NR5A2: variants seen among roughly 807,000 people sequenced by gnomAD.
NR5A2 encodes the protein nuclear receptor subfamily 5 group A member 2.
Under a neutral mutation model 62.7 loss-of-function variants are expected in NR5A2, and 26 were observed. The observed-to-expected ratio is 0.41, with a 90% CI of 0.30 to 0.58. The LOEUF is 0.58. NR5A2 is among the 20% of genes least tolerant of loss of function. The pLI is 0.22. For synonymous variants in NR5A2, 246 were observed against 241.7 expected (o/e 1.02, Z -0.16); for missense variants, 541 against 669.1 (o/e 0.81, Z 2.11).
At chr1:200,034,930 C>G (rs769055199) in intron 1 of NR5A2, among the ~76,000 whole-genome samples, 1 of 151,322 alleles carries the variant, frequency 6.6e-6, no homozygotes, top group African/African-American at 2.4e-5. Flanking sequence ...GTTTCTAATA[C>G]AAAGCGCTCG....
chr1:200,040,388 C>A (rs574297552), intron 2 of NR5A2, among the ~76,000 whole-genome samples: 3 of 152,202 alleles, frequency 2.0e-5, no homozygotes, highest in Non-Finnish European at 2.9e-5. Context: ...ATCCCCTGTA[C>A]GCGTAGTGCT....
intron 5 of NR5A2, among the ~76,000 whole-genome samples, chr1:200,055,662 C>T (rs1180403313): frequency 1.3e-5 from 2 of 152,202 alleles, no homozygotes; most frequent in Non-Finnish European, 2.9e-5. Context: ...AGAGCAATAG[C>T]CACTTTACTT....
Position 200,175,012 on chromosome 1 carries a change from G to A in NR5A2, c.*802G>A, listed in dbSNP as rs569870620. On this transcript the variant is annotated 3_prime_UTR_variant, in exon 8 of 8. Transcript: ENST00000367362. ...AAACTTTCAAAGCAAATGCTCCATA[G>A]CTAAAGCAACTTAGACCTTATTTCT... 22 of 152,764 alleles carry A rather than the reference G, an allele frequency of 1.4e-4. No homozygotes were observed. In the East Asian group the frequency reaches 4.0e-3, roughly 28 times the overall value. 9.5% of individuals were successfully genotyped at this position (152,764 alleles called of 1,614,324 possible).
At chr1:200,031,973 A>C (rs1571687731) in intron 1 of NR5A2, among the ~76,000 whole-genome samples, 1 of 152,132 alleles carries the variant, frequency 6.6e-6, no homozygotes, top group Non-Finnish European at 1.5e-5. Context: ...TGACCCCTCT[A>C]CCAGACACAA....
At chr1:200,090,810 GACAA>G (rs1664781009) in intron 5 of NR5A2, among the ~76,000 whole-genome samples, 3 of 152,062 alleles carry the variant, frequency 2.0e-5, no homozygotes, top group African/African-American at 7.2e-5. Flanking sequence ...CTAGGTAACT[GACAA>G]ACAGACACAG....
chr1:200,079,546 G>A (rs969581386), intron 5 of NR5A2, among the ~76,000 whole-genome samples: 4 of 152,208 alleles, frequency 2.6e-5, no homozygotes, highest in African/African-American at 9.6e-5. Flanking sequence ...GGCCTAAAAC[G>A]GGCATTGGCT....
rs1055327509 is a variant in NR5A2 at position 200,039,730 on chromosome 1, A to G, written c.137A>G (p.Glu46Gly). Reference protein sequence around the residue: ...RGRLVMLPKVETEALGLARSH... With the variant: ...RGRLVMLPKVGTEALGLARSH... Reference sequence around the variant, plus strand: ...CGCCTTGTCATGCTGCCCAAAGTGGAGACGGAAGCCCTGGGACTGGCTCGA... The same window carrying G: ...CGCCTTGTCATGCTGCCCAAAGTGGGGACGGAAGCCCTGGGACTGGCTCGA... Residue 46 changes from glutamate to glycine, a missense_variant, in exon 2 of 8, where the codon GAG becomes GGG. By Grantham distance (98) the Glu-to-Gly change is moderately conservative. Transcript: ENST00000367362. The surrounding 1 kb of genome is among the most constrained non-coding windows in gnomAD (Gnocchi z 5.1). 2 of 1,611,796 alleles carry G rather than the reference A, an allele frequency of 1.2e-6. No homozygotes were observed. Among genetic ancestry groups the G allele is most frequent in the Non-Finnish European group, 1.7e-6 (2 of 1,179,040 alleles).
intron 5 of NR5A2, among the ~76,000 whole-genome samples, chr1:200,106,315 C>T (rs972920513): frequency 1.3e-5 from 2 of 152,132 alleles, no homozygotes; most frequent in Non-Finnish European, 2.9e-5. Context: ...CCTTGGCCTC[C>T]CAAAGTGCTG....
rs767393832 is a variant in NR5A2 at position 200,034,783 on chromosome 1, CTTTTTTTTTTTTTTTTTT to C, written c.65-4861_65-4844del. 5.6e-5 allele frequency among the ~76,000 whole-genome samples: 4 copies of C among 71,286 alleles called. 1 individual carries two copies. The highest frequency in any genetic ancestry group is 7.2e-4 in the South Asian group (1 of 1,382). The allele number at this position is 71,286 out of a possible 152,430, so 46.8% of individuals were successfully genotyped here. A position where few individuals can be genotyped will look rare whatever the true frequency, so the allele number is the denominator to read the frequency against. ...GTTATTCACACGTGCAGCAGAAAGG[CTTTTTTTTTTTTTTTTTT>C]TTTTTTTTTTTTTAAACAAGGCACG... On this transcript the variant is annotated intron_variant, in intron 1 of 7. Transcript: ENST00000367362.
intron 7 of NR5A2, among the ~76,000 whole-genome samples, chr1:200,169,785 C>T (rs1049207779): frequency 6.6e-6 from 1 of 152,226 alleles, no homozygotes; most frequent in Non-Finnish European, 1.5e-5. Context: ...TGTTTACATA[C>T]TATTTCCAAC....
At chr1:200,103,054 G>A (rs1038741659) in intron 5 of NR5A2, among the ~76,000 whole-genome samples, 5 of 151,390 alleles carry the variant, frequency 3.3e-5, no homozygotes, top group Non-Finnish European at 7.4e-5. Flanking sequence ...TTGGTAAAAT[G>A]AGGATTATAA....
chr1:200,104,146 G>A (rs750104893), intron 5 of NR5A2, among the ~76,000 whole-genome samples: 1 of 152,176 alleles, frequency 6.6e-6, no homozygotes, highest in Non-Finnish European at 1.5e-5. Flanking sequence ...TTATGGAACA[G>A]CAGCAGCACA....
At chr1:200,163,486 G>T (rs1325238381) in intron 7 of NR5A2, among the ~76,000 whole-genome samples, 3 of 142,206 alleles carry the variant, frequency 2.1e-5, no homozygotes, top group African/African-American at 5.1e-5. Flanking sequence ...TTTGTTTATT[G>T]TTTTTTTTTT....
Position 200,045,590 on chromosome 1 carries a change from ATTC to A in NR5A2, c.463+11_463+13del, listed in dbSNP as rs774924571. On this transcript the variant is annotated splice_region_variant and intron_variant, in intron 4 of 7. Transcript: ENST00000367362. ...TGTTGGAATGAAGCTAGAAGGTAAG[ATTC>A]TTCTAAAGACTACTGCCTATTAAAA... 3.1e-6 allele frequency: 5 copies of A among 1,606,806 alleles called. No homozygotes were observed. Among genetic ancestry groups the A allele is most frequent in the Non-Finnish European group, 2.5e-6 (3 of 1,177,214 alleles).
At chr1:200,038,410 T>C (rs1661881662) in intron 1 of NR5A2, among the ~76,000 whole-genome samples, 1 of 152,144 alleles carries the variant, frequency 6.6e-6, no homozygotes, top group Non-Finnish European at 1.5e-5. Context: ...CCCCTTCCTC[T>C]AATTCTATGA....
At chr1:200,057,732 C>T (rs750372714) in intron 5 of NR5A2, 45 of 252,650 alleles carry the variant, frequency 1.8e-4, no homozygotes, top group African/African-American at 2.4e-4. Context: ...CTGCCTGCCT[C>T]GGCCTCCCAA....
chr1:200,063,450 G>A (rs1314332321), intron 5 of NR5A2, among the ~76,000 whole-genome samples: 2 of 152,048 alleles, frequency 1.3e-5, no homozygotes, highest in East Asian at 1.9e-4. Flanking sequence ...GAGCCACCCC[G>A]CCCGGCCTAA....
chr1:200,132,124 C>T (rs760946948), intron 7 of NR5A2, among the ~76,000 whole-genome samples: 14 of 152,262 alleles, frequency 9.2e-5, no homozygotes, highest in Non-Finnish European at 1.8e-4. Context: ...ATTCTCCTGC[C>T]TCAGCCGCCT....
intron 5 of NR5A2, among the ~76,000 whole-genome samples, chr1:200,079,974 T>C (rs1310032868): frequency 1.3e-5 from 2 of 152,184 alleles, no homozygotes. Flanking sequence ...AAAAGTTGCT[T>C]ACATAAAAGC....
Sources: allele counts gnomAD v4.1 joint callset (sites outside exome capture counted in the v4.1 genomes callset), GRCh38; gene constraint gnomAD v4.1.1; non-coding constraint Gnocchi (gnomAD v3.1); transcripts MANE v1.5; gene names NCBI Gene and HGNC (gene_info 2026-07-23, HGNC 2026-07-21).